FSD1: variants seen among roughly 807,000 people sequenced by gnomAD.
The protein encoded by FSD1 is fibronectin type III and SPRY domain-containing protein 1.
A neutral mutation model predicts 58.2 loss-of-function variants in FSD1; 23 were observed. The ratio of observed to expected loss-of-function variants is 0.40; its 90% CI spans 0.28 to 0.56. The LOEUF (loss-of-function observed/expected upper bound fraction) is 0.56. FSD1 is among the 20% of genes least tolerant of loss of function. FSD1 has a pLI of 0.54. For synonymous variants in FSD1, 265 were observed against 263.4 expected (o/e 1.01, Z -0.06); for missense variants, 563 against 670.8 (o/e 0.84, Z 1.78).
chr19:4,311,811 C>T (rs760279832), intron 6 of FSD1, 31 bp from the exon 7 acceptor site: 21 of 1,608,708 alleles, frequency 1.3e-5, no homozygotes, highest in Non-Finnish European at 1.7e-5. Context: ...GGCACAGAAT[C>T]CCGACCCCCT....
intron 6 of FSD1, 82 bp from the exon 7 acceptor site, chr19:4,311,760 G>C (rs1971694235): frequency 7.7e-7 from 1 of 1,298,230 alleles, no homozygotes; most frequent in African/African-American, 1.5e-5. Flanking sequence ...TCCAACATGT[G>C]GTTGGGCAGC....
At chr19:4,321,872 C>G (rs899209830) in intron 10 of FSD1, among the ~76,000 whole-genome samples, 12 of 149,758 alleles carry the variant, frequency 8.0e-5, no homozygotes, top group African/African-American at 2.7e-4. Flanking sequence ...GGAGAAATAG[C>G]TGGGTCCTCA....
At chr19:4,321,121 G>A (rs1319363686) in intron 10 of FSD1, among the ~76,000 whole-genome samples, 1 of 148,846 alleles carries the variant, frequency 6.7e-6, no homozygotes, top group Non-Finnish European at 1.5e-5. Context: ...GGACTGAGGA[G>A]TACCTGGAGG....
At chr19:4,319,289 A>G (rs76875371) in intron 10 of FSD1, among the ~76,000 whole-genome samples, 2,377 of 152,126 alleles carry the variant, frequency 0.016, 29 homozygotes, top group South Asian at 0.057. Flanking sequence ...GTAGCTGGAA[A>G]GAATCATTGC....
intron 8 of FSD1, 69 bp downstream of exon 8, chr19:4,317,349 A>G: frequency 1.0e-6 from 1 of 978,234 alleles, no homozygotes; most frequent in African/African-American, 1.6e-5. Flanking sequence ...CCCAGAGACC[A>G]TGAGAATCCT....
chr19:4,306,472 C>CTT (rs372460832), intron 3 of FSD1, 143 bp downstream of exon 3: 199 of 575,984 alleles, frequency 3.5e-4, no homozygotes, highest in Middle Eastern at 5.3e-4. Context: ...TACACTCTCT[C>CTT]TTTTTTTTTT....
chr19:4,318,452 T>C lies in FSD1; in HGVS notation c.906T>C (p.Ala302=). The C allele has an allele frequency of 6.2e-7, 1 of 1,613,754 alleles. No homozygotes were observed. The highest frequency in any genetic ancestry group is 8.5e-7 in the Non-Finnish European group (1 of 1,179,914). ...AMGGKVQDIK[A]REKDGKGRTA... is the part of the protein sequence containing the mutation. ...GCGGGAAGGTGCAGGATATCAAGGCTCGCGAGAAAGATGGCAAGGGGCGGA... is the reference window on the plus strand; with the variant it reads ...GCGGGAAGGTGCAGGATATCAAGGCCCGCGAGAAAGATGGCAAGGGGCGGA... The change falls in exon 9 of 13, where the codon GCT becomes GCC. Residue 302 remains alanine (A), a synonymous_variant. Transcript: ENST00000221856.
chr19:4,312,807 A>AAAATAAATAAATAAAT (rs377254722), intron 7 of FSD1, among the ~76,000 whole-genome samples: 25 of 148,816 alleles, frequency 1.7e-4, no homozygotes, highest in African/African-American at 5.8e-4. Context: ...TCCGTCTCAA[A>AAAATAAATAAATAAAT]AAATAAATAA....
At chr19:4,305,890 C>A in intron 1 of FSD1, 56 bp from the exon 2 acceptor site, 1 of 1,267,764 alleles carries the variant, frequency 7.9e-7, no homozygotes. Flanking sequence ...GTGTGTGTAC[C>A]TGTGTGCGCA....
rs750787554 is a variant in FSD1 at position 4,311,900 on chromosome 19, C to T, written c.549C>T (p.Thr183=). The change falls in exon 7 of 13, where the codon ACC becomes ACT. Residue 183 remains threonine, a synonymous_variant. Transcript: ENST00000221856. The stretch of plus-strand genomic sequence containing the variant: ...CCCTGGTGGCAGATAACTGTGTGAC[C>T]CTGGTGTGGCGCATGCCGGATGAGG... ...AESLVADNCV[T]LVWRMPDEDS... The T allele has an allele frequency of 6.2e-7, 1 of 1,614,162 alleles. No homozygotes were observed. Among genetic ancestry groups the T allele is most frequent in the Non-Finnish European group, 8.5e-7 (1 of 1,180,030 alleles).
intron 4 of FSD1, among the ~76,000 whole-genome samples, chr19:4,308,631 G>A (rs896611624): frequency 1.1e-4 from 16 of 152,188 alleles, no homozygotes; most frequent in Non-Finnish European, 2.2e-4. Context: ...GCCAAGGCGG[G>A]CGGATCACGA....
chr19:4,316,940 C>T (rs561716061), intron 7 of FSD1, among the ~76,000 whole-genome samples: 11 of 151,830 alleles, frequency 7.2e-5, no homozygotes, highest in Admixed American at 2.6e-4. Context: ...TTAGTAGAGA[C>T]GGGGGTTTCA....
At chr19:4,307,158 G>A (rs1041294376) in intron 3 of FSD1, among the ~76,000 whole-genome samples, 28 of 152,046 alleles carry the variant, frequency 1.8e-4, no homozygotes, top group Admixed American at 9.8e-4. Flanking sequence ...AGGCTTAAGC[G>A]ATTCTCCCAT....
intron 4 of FSD1, among the ~76,000 whole-genome samples, chr19:4,309,008 G>A (rs1004047186): frequency 2.0e-5 from 3 of 152,208 alleles, no homozygotes; most frequent in Non-Finnish European, 4.4e-5. Flanking sequence ...CCGGGAGGCA[G>A]AGCTTGCAGT....
intron 7 of FSD1, among the ~76,000 whole-genome samples, chr19:4,316,942 G>A (rs1971761589): frequency 6.6e-6 from 1 of 151,936 alleles, no homozygotes; most frequent in Non-Finnish European, 1.5e-5. Context: ...AGTAGAGACG[G>A]GGGTTTCACC....
At chr19:4,321,492 G>T (rs371103213) in intron 10 of FSD1, among the ~76,000 whole-genome samples, 3 of 148,024 alleles carry the variant, frequency 2.0e-5, no homozygotes, top group East Asian at 2.0e-4. Flanking sequence ...GGAGTATCTG[G>T]GGAAATAGCT....
At chr19:4,314,785 A>G (rs564588598) in intron 7 of FSD1, among the ~76,000 whole-genome samples, 7 of 152,260 alleles carry the variant, frequency 4.6e-5, no homozygotes, top group Non-Finnish European at 8.8e-5. Context: ...ACGCCCCGCC[A>G]CATTTTACCA....
chr19:4,317,319 G>T, intron 8 of FSD1, 39 bp downstream of exon 8: 1 of 1,189,946 alleles, frequency 8.4e-7, no homozygotes, highest in South Asian at 1.2e-5. Context: ...CTAACTCCAT[G>T]GCCCCTTCCT....
At chr19:4,306,915 C>T (rs544873566) in intron 3 of FSD1, among the ~76,000 whole-genome samples, 4 of 152,250 alleles carry the variant, frequency 2.6e-5, no homozygotes, top group African/African-American at 9.6e-5. Flanking sequence ...CCATGGCTCC[C>T]GTGGGCTGTC....
Sources: allele counts gnomAD v4.1 joint callset (sites outside exome capture counted in the v4.1 genomes callset), GRCh38; gene constraint gnomAD v4.1.1; transcripts MANE v1.5; gene names NCBI Gene and HGNC (gene_info 2026-07-23, HGNC 2026-07-21).